Variants in GABPA observed in about 807,000 individuals in gnomAD.
GABPA encodes GA-binding protein alpha chain.
In GABPA, 4 loss-of-function variants were observed where a neutral mutation model predicts 59.4. The ratio of observed to expected loss-of-function variants is 0.07; its 90% confidence interval spans 0.03 to 0.15. The LOEUF is 0.15. GABPA is among the 10% of genes least tolerant of loss of function. GABPA has a pLI of 1.00. For synonymous variants in GABPA, 164 were observed against 183.1 expected, an observed-to-expected ratio of 0.90 and a Z score of 0.84; for missense variants, 251 against 543.8, an observed-to-expected ratio of 0.46 and a Z score of 5.36.
intron 7 of GABPA, among the ~76,000 whole-genome samples, chr21:25,763,891 A>T (rs1411834989): frequency 6.6e-6 from 1 of 151,168 alleles, no homozygotes; most frequent in Non-Finnish European, 1.5e-5. Flanking sequence ...TATTTGACAA[A>T]CCGTTTTTAT....
Position 25,738,011 on chromosome 21 carries a change from C to T in GABPA, c.-27+2433C>T, listed in dbSNP as rs556815852. ...CTGTCACCAATAAAGCTGCCCTGAA[C>T]ATTGTCAATCAATCCTGTTAACCAA... is the stretch of plus-strand genomic sequence containing the variant. On this transcript the variant is annotated intron_variant, in intron 1 of 9. Transcript: ENST00000400075. Among the ~76,000 whole-genome samples the T allele has an allele frequency of 1.7e-4, 26 of 152,292 alleles. No homozygotes were observed. The South Asian group carries it at 5.4e-3, about 32-fold the overall frequency.
chr21:25,745,933 A>C (rs1568941801), intron 3 of GABPA, among the ~76,000 whole-genome samples: 1 of 152,224 alleles, frequency 6.6e-6, no homozygotes, highest in East Asian at 1.9e-4. Flanking sequence ...TATGAAAGGT[A>C]GCAGCCTAAA....
rs1412116652 is a variant in GABPA, at chr21:25,769,338, A to G, written c.*106A>G. 1 of 608,680 alleles carries G rather than the reference A, an allele frequency of 1.6e-6. No homozygotes were observed. Among genetic ancestry groups the G allele is most frequent in the Non-Finnish European group, 3.0e-6 (1 of 335,182 alleles). The allele number at this position is 608,680 out of a possible 1,614,324, so 37.7% of individuals were successfully genotyped here. ...GAATCTTCTTTTATTTCTAGGCTGT[A>G]CAGTCTGATGCATGATTTTTTTATA... is the stretch of plus-strand genomic sequence containing the variant. On this transcript the variant is annotated 3_prime_UTR_variant, in exon 10 of 10. Transcript: ENST00000400075.
rs1331361249 is a variant in GABPA, at chr21:25,771,056, TAGAC to T, written c.*1827_*1830del. 6 of 152,100 alleles carry T rather than the reference TAGAC, an allele frequency of 3.9e-5. No individual in the cohort carries two copies. The highest frequency in any genetic ancestry group is 2.1e-4 in the South Asian group (1 of 4,826). 9.4% of individuals were successfully genotyped at this position (152,100 alleles called of 1,614,324 possible). A position where few individuals can be genotyped will look rare whatever the true frequency, so the allele number is the denominator to read the frequency against. On this transcript the variant is annotated 3_prime_UTR_variant, in exon 10 of 10. Coordinates refer to ENST00000400075, the MANE Select transcript of GABPA (RefSeq NM_002040.4). Reference sequence around the variant, plus strand: ...AGAAGCTCTAACGTCAGGTAACAAATAGACAGCAAGAAAGGTTTTGCACCATCCT... The same window carrying T: ...AGAAGCTCTAACGTCAGGTAACAAATAGCAAGAAAGGTTTTGCACCATCCT...
chr21:25,751,302 TAAATC>T (rs1324549965), intron 4 of GABPA, among the ~76,000 whole-genome samples: 1 of 151,440 alleles, frequency 6.6e-6, no homozygotes, highest in East Asian at 1.9e-4. Flanking sequence ...TATCCAGAAT[TAAATC>T]AAAATCAGAA....
chr21:25,756,532 A>G (rs918392225), intron 5 of GABPA, among the ~76,000 whole-genome samples: 1 of 152,184 alleles, frequency 6.6e-6, no homozygotes, highest in African/African-American at 2.4e-5. Context: ...CACTGCAGCT[A>G]TTGGATTGGG....
chr21:25,755,380 G>C (rs1381491291), intron 5 of GABPA, among the ~76,000 whole-genome samples: 2 of 146,038 alleles, frequency 1.4e-5, no homozygotes, highest in African/African-American at 5.1e-5. Flanking sequence ...AGGCTATAGA[G>C]AGCTTTGATG....
At chr21:25,743,656 T>C (rs538401224) in intron 2 of GABPA, among the ~76,000 whole-genome samples, 34 of 151,560 alleles carry the variant, frequency 2.2e-4, no homozygotes, top group African/African-American at 7.5e-4. Context: ...ATGATAGCAA[T>C]AAAAACTTTT....
chr21:25,750,223 A>G (rs1223629136), intron 4 of GABPA, among the ~76,000 whole-genome samples: 1 of 152,224 alleles, frequency 6.6e-6, no homozygotes, highest in African/African-American at 2.4e-5. Flanking sequence ...CTGATCTGAC[A>G]GGAAGTGAAG....
intron 3 of GABPA, among the ~76,000 whole-genome samples, chr21:25,746,102 C>T (rs1228910640): frequency 6.6e-6 from 1 of 151,880 alleles, no homozygotes; most frequent in Non-Finnish European, 1.5e-5. Flanking sequence ...ACCTCCACCT[C>T]CCAGGTTCAA....
chr21:25,763,564 CAACT>C (rs1464488339), intron 7 of GABPA, among the ~76,000 whole-genome samples: 4 of 152,010 alleles, frequency 2.6e-5, no homozygotes, highest in African/African-American at 9.7e-5. Flanking sequence ...ATATTTTTAC[CAACT>C]ATGTAATCGT....
chr21:25,751,893 T>G (rs568577839), intron 4 of GABPA, 96 bp from the exon 5 acceptor site: 1 of 1,273,342 alleles, frequency 7.9e-7, no homozygotes, highest in South Asian at 1.4e-5. Flanking sequence ...TCGATGTAGT[T>G]TTTCTCTACC....
chr21:25,758,199 G>A lies in GABPA; in HGVS notation c.743G>A (p.Arg248Gln). The change falls in exon 6 of 10, where the codon CGA (arginine) becomes CAA (glutamine). Residue 248 changes from arginine to glutamine, a missense_variant. This residue lies in a region of GABPA where 207 missense variants were observed against 366.7 expected (regional missense o/e 0.56). Coordinates refer to ENST00000400075, the MANE Select transcript of GABPA (RefSeq NM_002040.4). ...EILWSHLELL[R>Q]KYVLASQEQQ... is the part of the protein sequence containing the mutation. ...CTCTGGAGTCATCTGGAACTTCTCC[G>A]AAAATGTATGAAATTACAGTTATTT... 1.3e-6 allele frequency: 2 copies of A among 1,572,980 alleles called. No individual in the cohort carries two copies. The highest frequency in any genetic ancestry group is 2.3e-5 in the East Asian group (1 of 43,886).
At chr21:25,735,998 A>T (rs911322430) in intron 1 of GABPA, among the ~76,000 whole-genome samples, 14 of 152,138 alleles carry the variant, frequency 9.2e-5, no homozygotes, top group Non-Finnish European at 1.6e-4. Context: ...CGCGGGACTC[A>T]GCGATTCACT....
chr21:25,756,272 T>G (rs1165244384), intron 5 of GABPA, among the ~76,000 whole-genome samples: 1 of 152,194 alleles, frequency 6.6e-6, no homozygotes, highest in African/African-American at 2.4e-5. Flanking sequence ...AGCTTTTCTA[T>G]TTAACTCTGC....
Position 25,767,685 on chromosome 21 carries a change from T to G in GABPA, c.1137-1319T>G, listed in dbSNP as rs542419609. On this transcript the variant is annotated intron_variant, in intron 9 of 9. Coordinates refer to ENST00000400075, the MANE Select transcript of GABPA (RefSeq NM_002040.4). ...TAGAAATTTTTTAAAGCAATTGATA[T>G]GCCTATAGCATTTTTAACTGGATGG... Among the ~76,000 whole-genome samples the G allele has an allele frequency of 1.4e-3, 214 of 152,246 alleles. 2 individuals are homozygous for G. Among genetic ancestry groups the G allele is most frequent in the Middle Eastern group, 6.8e-3 (2 of 294 alleles).
chr21:25,752,445 A>T (rs2035537025), intron 5 of GABPA: 2 of 557,276 alleles, frequency 3.6e-6, no homozygotes, highest in African/African-American at 1.9e-5. Flanking sequence ...AAGTCTAAAA[A>T]ATTTCTGCTC....
At chr21:25,762,062 C>T (rs1013295645) in intron 6 of GABPA, among the ~76,000 whole-genome samples, 2 of 152,118 alleles carry the variant, frequency 1.3e-5, no homozygotes, top group African/African-American at 2.4e-5. Flanking sequence ...TAGTTCTCTG[C>T]AGAACTTTAC....
rs2034982714 is a variant in GABPA at position 25,735,085 on chromosome 21, G to T, written c.-520G>T. On this transcript the variant is annotated 5_prime_UTR_variant, in exon 1 of 10. Transcript: ENST00000400075. ...GGAAGTGGAGGGTAAGTGCTTCCGG[G>T]TCCCCTGGCACAGCCTCCGCCATCT... 1 of 927,886 alleles carries T rather than the reference G, an allele frequency of 1.1e-6. No homozygotes were observed. Among genetic ancestry groups the T allele is most frequent in the Non-Finnish European group, 1.7e-6 (1 of 592,396 alleles). 57.5% of individuals were successfully genotyped at this position (927,886 alleles called of 1,614,324 possible).
Sources: allele counts gnomAD v4.1 joint callset (sites outside exome capture counted in the v4.1 genomes callset), GRCh38; gene constraint gnomAD v4.1.1; regional missense constraint gnomAD v4.1.1; transcripts MANE v1.5; gene names NCBI Gene and HGNC (gene_info 2026-07-23, HGNC 2026-07-21).